Variants in KLF12 observed in about 807,000 individuals in gnomAD.
KLF12 encodes the protein Krueppel-like factor 12.
KLF12 carries 9 observed loss-of-function variants against 37.8 expected under a neutral mutation model. That is an observed-to-expected ratio of 0.24 (90% CI 0.14 to 0.42). The LOEUF (loss-of-function observed/expected upper bound fraction) is 0.42, where lower values mean the gene tolerates loss of function less well. Among genes scored for constraint, KLF12 ranks in the 10% least tolerant of loss-of-function variants. KLF12 has a pLI of 1.00. For missense variants in KLF12, 411 were observed against 516.0 expected (o/e 0.80, Z 1.97); for synonymous variants, 208 against 202.1 (o/e 1.03, Z -0.25).
intron 4 of KLF12, among the ~76,000 whole-genome samples, chr13:73,819,312 T>C (rs921286006): frequency 6.6e-6 from 1 of 152,194 alleles, no homozygotes; most frequent in African/African-American, 2.4e-5. Context: ...TAGTAGTCAA[T>C]CATCATTCCA....
chr13:74,092,541 T>C (rs1875735037), intron 1 of KLF12, among the ~76,000 whole-genome samples: 1 of 151,770 alleles, frequency 6.6e-6, no homozygotes, highest in African/African-American at 2.4e-5. Context: ...GGAGAAATGC[T>C]TGAATCCTGG....
At chr13:74,266,472 A>G in the KLF12 span, among the ~76,000 whole-genome samples, 1 of 152,156 alleles carries the variant, frequency 6.6e-6, no homozygotes, top group Non-Finnish European at 1.5e-5. Context: ...CCACGTGCAC[A>G]TATACACACA....
intron 3 of KLF12, among the ~76,000 whole-genome samples, chr13:73,891,040 C>T (rs9318224): frequency 0.77 from 116,434 of 151,986 alleles, 44,752 homozygotes; most frequent in East Asian, 0.9. Context: ...AAATACTATG[C>T]AATGTTGAAG....
At chr13:73,705,026 A>G (rs984438236) in intron 7 of KLF12, among the ~76,000 whole-genome samples, 1 of 152,244 alleles carries the variant, frequency 6.6e-6, no homozygotes, top group Admixed American at 6.5e-5. Flanking sequence ...AATGAATTAG[A>G]ATACATACTT....
At chr13:74,094,555 T>C (rs1026210968) in intron 1 of KLF12, among the ~76,000 whole-genome samples, 3 of 151,506 alleles carry the variant, frequency 2.0e-5, no homozygotes, top group South Asian at 2.1e-4. Context: ...ACATAGGAGG[T>C]AGTAAATGCC....
At chr13:73,989,994 A>C (rs1220396048) in intron 2 of KLF12, among the ~76,000 whole-genome samples, 4 of 152,204 alleles carry the variant, frequency 2.6e-5, no homozygotes, top group African/African-American at 9.6e-5. Context: ...ATACAATAAC[A>C]GAAAACTAAA....
chr13:73,851,773 A>G (rs1344838140), intron 3 of KLF12, among the ~76,000 whole-genome samples: 3 of 152,176 alleles, frequency 2.0e-5, no homozygotes, highest in African/African-American at 7.2e-5. Flanking sequence ...GCTTAAAGAA[A>G]TTTACTCTAT....
intron 5 of KLF12, chr13:73,801,371 T>C (rs947531122): frequency 1.3e-5 from 2 of 152,088 alleles, no homozygotes; most frequent in Non-Finnish European, 2.9e-5. Flanking sequence ...TCAAATATAT[T>C]ACTCTATGGT....
intron 1 of KLF12, among the ~76,000 whole-genome samples, chr13:74,037,653 C>T (rs547675348): frequency 2.5e-4 from 38 of 152,246 alleles, no homozygotes; most frequent in Admixed American, 5.2e-4. Context: ...ATGAACACAA[C>T]ATGTGGTCTC....
rs75550313 is a variant in KLF12 at position 73,763,956 on chromosome 13, G to C, written c.869+982C>G. 9.2e-3 allele frequency among the ~76,000 whole-genome samples: 1,399 copies of C among 152,202 alleles called. 56 individuals carry two copies. Among genetic ancestry groups the C allele is most frequent in the East Asian group, 0.06 (309 of 5,182 alleles). On this transcript the variant is annotated intron_variant, in intron 6 of 7. Transcript: ENST00000377669. ...GCCAAGCTATTGTGAGAATTAATTA[G>C]ATTTCGTGGGGGAAGGGAGGTGAGA...
At chr13:73,831,364 C>A (rs1477586584) in intron 4 of KLF12, among the ~76,000 whole-genome samples, 1 of 151,904 alleles carries the variant, frequency 6.6e-6, no homozygotes, top group Non-Finnish European at 1.5e-5. Flanking sequence ...TATTGTCAGG[C>A]TTAAAGATAA....
chr13:73,710,159 CATT>C (rs1875257719), intron 7 of KLF12, among the ~76,000 whole-genome samples: 1 of 152,148 alleles, frequency 6.6e-6, no homozygotes, highest in African/African-American at 2.4e-5. Flanking sequence ...GCAAAGCCAT[CATT>C]AAGGGACAGC....
chr13:74,279,436 T>C, the KLF12 span, among the ~76,000 whole-genome samples: 2 of 152,172 alleles, frequency 1.3e-5, no homozygotes, highest in East Asian at 1.9e-4. Flanking sequence ...GGTTTAACTT[T>C]TGGTGGGTAA....
the KLF12 span, among the ~76,000 whole-genome samples, chr13:74,219,919 ACTT>A: frequency 3.1e-3 from 473 of 151,648 alleles, 2 homozygotes; most frequent in African/African-American, 0.011. Context: ...TTCTTTTAAA[ACTT>A]CTTTTCTTTT....
chr13:74,005,426 C>T (rs1892386201), intron 1 of KLF12, among the ~76,000 whole-genome samples: 1 of 152,122 alleles, frequency 6.6e-6, no homozygotes, highest in African/African-American at 2.4e-5. Flanking sequence ...AAAAAGACAT[C>T]GTATAACATA....
the KLF12 span, among the ~76,000 whole-genome samples, chr13:74,191,432 C>T: frequency 1.3e-5 from 2 of 152,210 alleles, no homozygotes; most frequent in East Asian, 3.8e-4. Flanking sequence ...TTTTCTTTCA[C>T]TTATATTTAA....
chr13:73,751,013 C>A (rs80148073), intron 6 of KLF12, among the ~76,000 whole-genome samples: 2,582 of 152,248 alleles, frequency 0.017, 59 homozygotes, highest in African/African-American at 0.056. Flanking sequence ...AAGACAGGAG[C>A]AATCCCATTT....
rs1180756230 is a variant in KLF12 at position 73,957,091 on chromosome 13, GAAAGGAAAGGAAAGA to G, written c.34-13036_34-13022del. On this transcript the variant is annotated intron_variant, in intron 2 of 7. Transcript: ENST00000377669. ...GAAAGGAAAGGAAAGGAAAGGAAAGGAAAGGAAAGGAAAGAAAGGAAAAGAAAGAAAAGGAAAGGA... is the reference window on the plus strand; with the variant it reads ...GAAAGGAAAGGAAAGGAAAGGAAAGGAAGGAAAAGAAAGAAAAGGAAAGGA... Among the ~76,000 whole-genome samples, 137 of 117,234 alleles carry G rather than the reference GAAAGGAAAGGAAAGA, an allele frequency of 1.2e-3. 1 individual carries two copies. The highest frequency in any genetic ancestry group is 1.9e-3 in the Admixed American group (22 of 11,884). The allele number at this position is 117,234 out of a possible 152,430, so 76.9% of individuals were successfully genotyped here.
At chr13:74,071,384 C>T (rs1346356194) in intron 1 of KLF12, among the ~76,000 whole-genome samples, 2 of 152,016 alleles carry the variant, frequency 1.3e-5, no homozygotes, top group Non-Finnish European at 2.9e-5. Context: ...AAAACTTCAT[C>T]AAGTTTTAAG....
Sources: allele counts gnomAD v4.1 joint callset (sites outside exome capture counted in the v4.1 genomes callset), GRCh38; gene constraint gnomAD v4.1.1; transcripts MANE v1.5; gene names NCBI Gene and HGNC (gene_info 2026-07-23, HGNC 2026-07-21).